Variants in ACTR2 observed in about 807,000 individuals in gnomAD.
ACTR2 encodes actin-related protein 2.
ACTR2 carries 5 observed loss-of-function variants against 50.2 expected under a neutral mutation model. The ratio of observed to expected loss-of-function variants is 0.10; its 90% CI spans 0.05 to 0.21. The LOEUF (loss-of-function observed/expected upper bound fraction) is 0.21, where lower values mean the gene tolerates loss of function less well. Among genes scored for constraint, ACTR2 ranks in the 10% least tolerant of loss-of-function variants. ACTR2 has a pLI of 1.00. For synonymous variants in ACTR2, 140 were observed against 162.9 expected, an observed-to-expected ratio of 0.86 and a Z score of 1.07; for missense variants, 180 against 480.6, an observed-to-expected ratio of 0.37 and a Z score of 5.85.
At chr2:65,262,618 G>A (rs965466144) in intron 7 of ACTR2, among the ~76,000 whole-genome samples, 10 of 152,022 alleles carry the variant, frequency 6.6e-5, no homozygotes, top group Non-Finnish European at 1.0e-4. Flanking sequence ...GATCTGATGA[G>A]TGAGAAATTA....
intron 8 of ACTR2, among the ~76,000 whole-genome samples, chr2:65,267,336 T>C (rs922935318): frequency 6.6e-6 from 1 of 152,204 alleles, no homozygotes; most frequent in Non-Finnish European, 1.5e-5. Flanking sequence ...CAAAAAAAGT[T>C]TGCTGACCCC....
chr2:65,233,306 A>G (rs1238846658), intron 1 of ACTR2, among the ~76,000 whole-genome samples: 1 of 151,532 alleles, frequency 6.6e-6, no homozygotes, highest in Non-Finnish European at 1.5e-5. Flanking sequence ...GATTTTTTTT[A>G]ATACTGATTA....
intron 7 of ACTR2, among the ~76,000 whole-genome samples, chr2:65,263,651 C>G (rs555762024): frequency 6.6e-6 from 1 of 152,174 alleles, no homozygotes; most frequent in South Asian, 2.1e-4. Context: ...GATCAGAAAT[C>G]GAATCTAGCC....
chr2:65,245,276 T>C (rs1196725543), intron 2 of ACTR2, among the ~76,000 whole-genome samples: 1 of 152,134 alleles, frequency 6.6e-6, no homozygotes, highest in Non-Finnish European at 1.5e-5. Flanking sequence ...TCCCAACACT[T>C]TGGGAGGCCG....
chr2:65,239,502 A>G (rs1282720392), intron 1 of ACTR2, among the ~76,000 whole-genome samples: 2 of 152,260 alleles, frequency 1.3e-5, no homozygotes, highest in Non-Finnish European at 2.9e-5. Context: ...GAATTTGTCC[A>G]TCCCACAGAT....
intron 2 of ACTR2, among the ~76,000 whole-genome samples, chr2:65,243,202 C>T (rs914200789): frequency 1.3e-5 from 2 of 152,006 alleles, no homozygotes; most frequent in Non-Finnish European, 2.9e-5. Flanking sequence ...TCGCTTGAAC[C>T]CGGGAGGCAG....
chr2:65,235,525 G>A (rs1002837593), intron 1 of ACTR2, among the ~76,000 whole-genome samples: 2 of 152,186 alleles, frequency 1.3e-5, no homozygotes, highest in Non-Finnish European at 2.9e-5. Context: ...GAGAGGCTGA[G>A]GCGAGTGGAT....
intron 6 of ACTR2, among the ~76,000 whole-genome samples, chr2:65,260,276 G>T (rs1356460188): frequency 2.0e-5 from 3 of 152,228 alleles, no homozygotes; most frequent in Non-Finnish European, 4.4e-5. Context: ...GGGAGGTTGA[G>T]GCGAGCAGAT....
At chr2:65,228,070 G>T (rs1270527254) in intron 1 of ACTR2, 113 bp downstream of exon 1, 10 of 1,051,382 alleles carry the variant, frequency 9.5e-6, no homozygotes, top group Non-Finnish European at 1.3e-5. Context: ...GGGCGAAGGG[G>T]CGCGGGGCGG....
chr2:65,257,678 T>A (rs1672178227), intron 6 of ACTR2, among the ~76,000 whole-genome samples: 1 of 152,236 alleles, frequency 6.6e-6, no homozygotes, highest in Non-Finnish European at 1.5e-5. Context: ...TGATTTGTAT[T>A]TCTCTAATGA....
Position 65,253,725 on chromosome 2 carries a change from C to T in ACTR2, c.449-3C>T. On this transcript the variant is annotated splice_region_variant and splice_polypyrimidine_tract_variant and intron_variant, in intron 4 of 8. Coordinates refer to ENST00000260641, the MANE Select transcript of ACTR2 (RefSeq NM_005722.4). ...TATTTAAATCCCCCTGGCTTTTATG[C>T]AGGTTTATTGACTGGTGTAGTGGTA... The T allele has an allele frequency of 6.2e-7, 1 of 1,605,938 alleles. No homozygotes were observed. The highest frequency in any genetic ancestry group is 1.7e-5 in the Admixed American group (1 of 58,038).
Position 65,260,325 on chromosome 2 carries a change from G to C in ACTR2, c.736-922G>C, listed in dbSNP as rs553042020. Among the ~76,000 whole-genome samples, 6 of 152,322 alleles carry C rather than the reference G, an allele frequency of 3.9e-5. No individual in the cohort carries two copies. In the South Asian group the frequency reaches 1.0e-3, roughly 26 times the overall value. On this transcript the variant is annotated intron_variant, in intron 6 of 8. Coordinates refer to ENST00000260641, the MANE Select transcript of ACTR2 (RefSeq NM_005722.4). ...GAGTTCAAGACCGCCTGGTCAACAT[G>C]ATGAAACCCCGTCTTTACTAAAAAT...
At chr2:65,235,890 G>T (rs553837853) in intron 1 of ACTR2, among the ~76,000 whole-genome samples, 2 of 152,150 alleles carry the variant, frequency 1.3e-5, no homozygotes, top group African/African-American at 2.4e-5. Flanking sequence ...GAAGACATCT[G>T]AATAATATGT....
chr2:65,262,807 A>G (rs1672294381), intron 7 of ACTR2, among the ~76,000 whole-genome samples: 1 of 151,702 alleles, frequency 6.6e-6, no homozygotes, highest in Non-Finnish European at 1.5e-5. Flanking sequence ...AATTTTTTTC[A>G]AAAAGATTAG....
intron 8 of ACTR2, chr2:65,265,376 G>A: frequency 1.5e-6 from 1 of 652,278 alleles, no homozygotes; most frequent in Non-Finnish European, 2.6e-6. Context: ...GTGGATGGAG[G>A]CAGTGAGGTC....
intron 1 of ACTR2, among the ~76,000 whole-genome samples, chr2:65,234,591 G>A (rs17030062): frequency 0.039 from 5,886 of 152,272 alleles, 636 homozygotes; most frequent in East Asian, 0.36. Flanking sequence ...AAGACTTTGA[G>A]TGATGTGATT....
intron 5 of ACTR2, 129 bp from the exon 6 acceptor site, chr2:65,255,416 G>A (rs1672131758): frequency 4.2e-6 from 3 of 708,716 alleles, no homozygotes; most frequent in African/African-American, 3.5e-5. Flanking sequence ...TTCTGAAATA[G>A]TAGGAGCTGA....
intron 1 of ACTR2, among the ~76,000 whole-genome samples, chr2:65,231,994 C>T (rs928838435): frequency 6.6e-6 from 1 of 152,226 alleles, no homozygotes; most frequent in African/African-American, 2.4e-5. Context: ...AATGTTGGTC[C>T]CGCTTGATTT....
chr2:65,266,115 C>G (rs977826843), intron 8 of ACTR2, among the ~76,000 whole-genome samples: 2 of 152,090 alleles, frequency 1.3e-5, no homozygotes, highest in African/African-American at 4.8e-5. Flanking sequence ...CTCCTGGGTG[C>G]CAGACATAGG....
Sources: allele counts gnomAD v4.1 joint callset (sites outside exome capture counted in the v4.1 genomes callset), GRCh38; gene constraint gnomAD v4.1.1; transcripts MANE v1.5; gene names NCBI Gene and HGNC (gene_info 2026-07-23, HGNC 2026-07-21).